The following UNC79 variants were observed in gnomAD, a reference collection of about 807,000 sequenced individuals.
The protein encoded by UNC79 is unc-79 subunit of NALCN channel complex.
A neutral mutation model predicts 283.1 loss-of-function variants in UNC79; 37 were observed. That is an observed-to-expected ratio of 0.13 (90% CI 0.10 to 0.17). The LOEUF is 0.17. UNC79 is among the 10% of genes least tolerant of loss of function. UNC79 has a pLI of 1.00. For missense variants in UNC79, 2,272 were observed against 3,211.1 expected, an observed-to-expected ratio of 0.71 and a Z score of 7.07; for synonymous variants, 1,107 against 1,200.2, an observed-to-expected ratio of 0.92 and a Z score of 1.61.
intron 14 of UNC79, among the ~76,000 whole-genome samples, chr14:93,563,983 C>G (rs1048051308): frequency 3.3e-5 from 5 of 152,228 alleles, no homozygotes; most frequent in African/African-American, 1.2e-4. Context: ...TTTTGAGGGC[C>G]TCTGAAAGTA....
At chr14:93,452,640 G>A (rs959662298) in intron 1 of UNC79, among the ~76,000 whole-genome samples, 7 of 151,958 alleles carry the variant, frequency 4.6e-5, no homozygotes, top group African/African-American at 1.5e-4. Flanking sequence ...CACCCGCCTC[G>A]GCTTCCCAAA....
At chr14:93,604,783 A>G in intron 26 of UNC79, 113 bp from the exon 27 acceptor site, 2 of 1,113,692 alleles carry the variant, frequency 1.8e-6, no homozygotes, top group African/African-American at 1.6e-5. Context: ...TGTTAATTCA[A>G]ATAGAAAAAT....
At position 93,690,003 on chromosome 14, in the gene UNC79, A is replaced by G; in HGVS notation, c.7086-114A>G. ...CTCAATTGCCTTGGCGTTTTGTTTT[A>G]TGTGATTGCCTGCAAGACCACACTT... On this transcript the variant is annotated intron_variant, in intron 44 of 48. Transcript: ENST00000555664. This position sits in a 1 kb window ranked among gnomAD's most constrained non-coding sequence, Gnocchi z 4.3. 1 of 1,197,918 alleles carries G rather than the reference A, an allele frequency of 8.3e-7. No individual in the cohort carries two copies. 74.2% of individuals were successfully genotyped at this position (1,197,918 alleles called of 1,614,324 possible).
intron 1 of UNC79, among the ~76,000 whole-genome samples, chr14:93,357,768 TG>T (rs2054127049): frequency 1.1e-5 from 1 of 92,314 alleles, no homozygotes; most frequent in Non-Finnish European, 2.0e-5. Context: ...TATATATATA[TG>T]GATATGTGGA....
At chr14:93,464,865 C>T (rs781186215) in intron 1 of UNC79, among the ~76,000 whole-genome samples, 18 of 152,158 alleles carry the variant, frequency 1.2e-4, no homozygotes, top group Middle Eastern at 3.2e-3. Flanking sequence ...GACCACCTCT[C>T]GTGCACAAAA....
intron 1 of UNC79, among the ~76,000 whole-genome samples, chr14:93,441,892 C>A (rs143501338): frequency 6.6e-6 from 1 of 152,052 alleles, no homozygotes; most frequent in Non-Finnish European, 1.5e-5. Flanking sequence ...TTGTCTTAAT[C>A]GCCATTTCTA....
chr14:93,509,202 A>G (rs2059694949), intron 7 of UNC79, among the ~76,000 whole-genome samples: 1 of 152,140 alleles, frequency 6.6e-6, no homozygotes, highest in Admixed American at 6.6e-5. Context: ...ATCCACCCCC[A>G]TGATCCAATC....
At chr14:93,577,763 C>T (rs1285876710) in intron 17 of UNC79, 79 bp from the exon 18 acceptor site, 2 of 1,418,058 alleles carry the variant, frequency 1.4e-6, no homozygotes, top group Non-Finnish European at 2.0e-6. Context: ...AAATACCTTC[C>T]ATAGAGTCCC....
At chr14:93,683,532 C>T (rs2074006854) in intron 42 of UNC79, among the ~76,000 whole-genome samples, 1 of 152,132 alleles carries the variant, frequency 6.6e-6, no homozygotes, top group South Asian at 2.1e-4. Context: ...AGTGGCTAGC[C>T]AGTCTCTGCT....
At chr14:93,352,481 A>G (rs775241876) in intron 1 of UNC79, among the ~76,000 whole-genome samples, 16 of 152,176 alleles carry the variant, frequency 1.1e-4, no homozygotes, top group Non-Finnish European at 1.8e-4. Flanking sequence ...CTCTCATGCA[A>G]TAATACTGTA....
intron 1 of UNC79, among the ~76,000 whole-genome samples, chr14:93,419,915 T>A (rs1262732493): frequency 6.6e-6 from 1 of 151,308 alleles, no homozygotes; most frequent in Non-Finnish European, 1.5e-5. Context: ...GAATAAAAAA[T>A]AATTAAAAAT....
chr14:93,633,121 A>G (rs2068174938), intron 31 of UNC79, among the ~76,000 whole-genome samples: 1 of 152,202 alleles, frequency 6.6e-6, no homozygotes, highest in Admixed American at 6.5e-5. Flanking sequence ...TGCATCTTCA[A>G]AAAGAATTCT....
chr14:93,404,973 T>C (rs962169855), intron 1 of UNC79, among the ~76,000 whole-genome samples: 1 of 152,028 alleles, frequency 6.6e-6, no homozygotes, highest in Non-Finnish European at 1.5e-5. Flanking sequence ...GAGGCTGCAA[T>C]ATATTAATTT....
chr14:93,543,608 C>CTT (rs1413500082), intron 14 of UNC79, among the ~76,000 whole-genome samples: 7 of 152,140 alleles, frequency 4.6e-5, no homozygotes, highest in African/African-American at 1.7e-4. Context: ...CTCCAGCGAT[C>CTT]TTTCTGCCTC....
intron 31 of UNC79, among the ~76,000 whole-genome samples, chr14:93,636,286 C>A (rs2068502508): frequency 6.6e-6 from 1 of 152,202 alleles, no homozygotes; most frequent in African/African-American, 2.4e-5. Context: ...GTCTGAATTT[C>A]TTTCCCGAGT....
chr14:93,530,154 G>A (rs2060738392), intron 10 of UNC79, among the ~76,000 whole-genome samples: 1 of 152,140 alleles, frequency 6.6e-6, no homozygotes, highest in Admixed American at 6.5e-5. Context: ...AATTAGCCAG[G>A]CATGGTGGCA....
Position 93,578,079 on chromosome 14 carries a change from G to A in UNC79, c.2433+16G>A, listed in dbSNP as rs145951093. 1,121 of 1,611,590 alleles carry A rather than the reference G, an allele frequency of 7.0e-4. 15 individuals are homozygous for A. In the East Asian group the frequency reaches 0.023, roughly 33 times the overall value. ...CCTGAAGCAGGTAGCTGAAGCATGA[G>A]CTTCCTTTAGTTCAGAGGTGAAGAA... On this transcript the variant is annotated intron_variant, in intron 18 of 48. Coordinates refer to ENST00000555664, the Ensembl canonical transcript of UNC79.
intron 1 of UNC79, among the ~76,000 whole-genome samples, chr14:93,461,165 C>T (rs2056950868): frequency 6.6e-6 from 1 of 152,042 alleles, no homozygotes; most frequent in South Asian, 2.1e-4. Flanking sequence ...GTAGTGGGCC[C>T]TTTAGGTGAT....
At chr14:93,424,305 AG>A (rs1322165028) in intron 1 of UNC79, among the ~76,000 whole-genome samples, 1 of 152,134 alleles carries the variant, frequency 6.6e-6, no homozygotes, top group Non-Finnish European at 1.5e-5. Context: ...GGACAGTTGG[AG>A]GTTCCTCAAA....
Sources: gnomAD v4.1 joint callset for allele counts (sites outside exome capture counted in the v4.1 genomes callset) on GRCh38, gnomAD v4.1.1 for gene constraint, Gnocchi (gnomAD v3.1) non-coding constraint, MANE v1.5 for transcripts, NCBI Gene and HGNC (gene_info 2026-07-23, HGNC 2026-07-21) for gene names.